The following UTRN variants were observed in gnomAD, a reference collection of about 807,000 sequenced individuals.
The protein encoded by UTRN is utrophin.
Under a neutral mutation model 463.9 loss-of-function variants are expected in UTRN, and 283 were observed. The observed-to-expected ratio is 0.61, with a 90% CI of 0.55 to 0.67. UTRN has a LOEUF of 0.67. Among genes scored for constraint, UTRN ranks in the 30% least tolerant of loss-of-function variants. The pLI is 0.00. For missense variants in UTRN, 3,922 were observed against 4,084.3 expected (o/e 0.96, Z 1.08); for synonymous variants, 1,442 against 1,431.5 (o/e 1.01, Z -0.17).
intron 51 of UTRN, among the ~76,000 whole-genome samples, chr6:144,596,347 T>C (rs1012123083): frequency 1.3e-5 from 2 of 151,956 alleles, no homozygotes; most frequent in African/African-American, 4.8e-5. Context: ...GCAGTGAGAG[T>C]AGAGTTTTCC....
intron 3 of UTRN, among the ~76,000 whole-genome samples, chr6:144,409,281 GATTAAA>G (rs1236493758): frequency 2.6e-5 from 4 of 152,264 alleles, no homozygotes; most frequent in Admixed American, 2.6e-4. Flanking sequence ...AAAAACAAAT[GATTAAA>G]ATTAAAACTG....
At chr6:144,530,965 G>T in intron 41 of UTRN, 87 bp from the exon 42 acceptor site, 5 of 1,422,060 alleles carry the variant, frequency 3.5e-6, no homozygotes, top group Non-Finnish European at 4.7e-6. Context: ...CTGTTTAAAT[G>T]AAATTTGATT....
At chr6:144,709,383 C>T (rs1312004098) in intron 53 of UTRN, among the ~76,000 whole-genome samples, 3 of 151,924 alleles carry the variant, frequency 2.0e-5, no homozygotes, top group Non-Finnish European at 4.4e-5. Flanking sequence ...TTCTGATCTC[C>T]TACTTTTTAG....
intron 2 of UTRN, among the ~76,000 whole-genome samples, chr6:144,359,785 A>G (rs949562129): frequency 6.7e-6 from 1 of 150,080 alleles, no homozygotes; most frequent in Non-Finnish European, 1.5e-5. Flanking sequence ...TTCATCCCTC[A>G]GTAGCTAAGC....
intron 51 of UTRN, among the ~76,000 whole-genome samples, chr6:144,641,832 G>A (rs1445010898): frequency 6.6e-6 from 1 of 152,260 alleles, no homozygotes; most frequent in African/African-American, 2.4e-5. Flanking sequence ...TGAATAAAGC[G>A]GTTGATTAGT....
chr6:144,671,488 G>A (rs1781025373), intron 51 of UTRN, among the ~76,000 whole-genome samples: 1 of 151,906 alleles, frequency 6.6e-6, no homozygotes, highest in African/African-American at 2.4e-5. Context: ...CATTCATTTT[G>A]TATTCTGAAA....
intron 54 of UTRN, among the ~76,000 whole-genome samples, chr6:144,744,991 C>CATCT (rs932632962): frequency 2.6e-5 from 4 of 152,172 alleles, no homozygotes; most frequent in African/African-American, 9.7e-5. Flanking sequence ...GGAGCTTTGG[C>CATCT]ATCTATCTAT....
intron 51 of UTRN, among the ~76,000 whole-genome samples, chr6:144,673,643 ATGTT>A (rs1781280807): frequency 6.6e-6 from 1 of 152,090 alleles, no homozygotes; most frequent in Admixed American, 6.6e-5. Context: ...TTTACATTCA[ATGTT>A]AGTATTGAGA....
chr6:144,448,455 C>T (rs1211041909), intron 16 of UTRN, 145 bp from the exon 17 acceptor site: 1 of 903,490 alleles, frequency 1.1e-6, no homozygotes, highest in Non-Finnish European at 1.6e-6. Context: ...GTTCTGGAGA[C>T]AGACTGTGAG....
intron 53 of UTRN, among the ~76,000 whole-genome samples, chr6:144,702,179 G>A (rs1338428407): frequency 6.6e-6 from 1 of 152,144 alleles, no homozygotes; most frequent in African/African-American, 2.4e-5. Context: ...ACATCTTGAG[G>A]TATGAAATGA....
chr6:144,529,468 AT>A (rs1348731245), intron 41 of UTRN, among the ~76,000 whole-genome samples: 3 of 148,824 alleles, frequency 2.0e-5, no homozygotes, highest in Non-Finnish European at 4.5e-5. Context: ...CCTATCCACC[AT>A]TTTTTTTTCT....
intron 34 of UTRN, among the ~76,000 whole-genome samples, chr6:144,501,462 G>T (rs982040951): frequency 6.6e-6 from 1 of 151,742 alleles, no homozygotes; most frequent in African/African-American, 2.4e-5. Flanking sequence ...ATTTTTTTGA[G>T]CACATTTCGA....
intron 51 of UTRN, among the ~76,000 whole-genome samples, chr6:144,668,649 G>C (rs1243425302): frequency 6.6e-6 from 1 of 152,052 alleles, no homozygotes; most frequent in African/African-American, 2.4e-5. Context: ...TTCTAGGTGG[G>C]TCTTCACCTG....
intron 51 of UTRN, among the ~76,000 whole-genome samples, chr6:144,596,996 T>C (rs1195715678): frequency 6.6e-6 from 1 of 152,198 alleles, no homozygotes; most frequent in African/African-American, 2.4e-5. Context: ...CCCAGCACTT[T>C]GGGAGGCCAA....
intron 66 of UTRN, among the ~76,000 whole-genome samples, chr6:144,823,982 G>T (rs1779814769): frequency 6.6e-6 from 1 of 152,148 alleles, no homozygotes; most frequent in African/African-American, 2.4e-5. Context: ...CTAGAAGGAA[G>T]TATGACAGCC....
chr6:144,772,924 AT>A (rs767165797), intron 59 of UTRN, among the ~76,000 whole-genome samples: 3 of 151,442 alleles, frequency 2.0e-5, no homozygotes, highest in Non-Finnish European at 4.4e-5. Flanking sequence ...TCCCATTTCA[AT>A]AAAAAGGATG....
In UTRN at chr6:144,374,771, C is replaced by T. The variant is rs146414166; in HGVS notation, c.80-28352C>T. Among the ~76,000 whole-genome samples, 973 of 151,568 alleles carry T rather than the reference C, an allele frequency of 6.4e-3. 10 individuals are homozygous for T. The highest frequency in any genetic ancestry group is 0.022 in the African/African-American group (921 of 41,378). The stretch of plus-strand genomic sequence containing the variant: ...TGCTGGGATTACAGTTGTGAGCTAC[C>T]GCGCCCAGCCTTAAAAATACAAAAA... On this transcript the variant is annotated intron_variant, in intron 2 of 74. Transcript: ENST00000367545.
intron 3 of UTRN, among the ~76,000 whole-genome samples, chr6:144,404,674 C>G (rs868285127): frequency 6.6e-6 from 1 of 152,052 alleles, no homozygotes. Flanking sequence ...CTTGGTAGAC[C>G]TAAGTTTAGA....
chr6:144,597,632 T>C (rs930151329), intron 51 of UTRN, among the ~76,000 whole-genome samples: 6 of 152,214 alleles, frequency 3.9e-5, no homozygotes, highest in Admixed American at 6.5e-5. Flanking sequence ...GTCTTTCTTA[T>C]TCATCAAGGT....
Sources: gnomAD v4.1 joint callset for allele counts (sites outside exome capture counted in the v4.1 genomes callset) on GRCh38, gnomAD v4.1.1 for gene constraint, MANE v1.5 for transcripts, NCBI Gene and HGNC (gene_info 2026-07-23, HGNC 2026-07-21) for gene names.